The following CNBD1 variants were observed in gnomAD, a reference collection of about 807,000 sequenced individuals.
CNBD1 encodes cyclic nucleotide-binding domain-containing protein 1.
In CNBD1, 71 loss-of-function variants were observed where a neutral mutation model predicts 54.4. The ratio of observed to expected loss-of-function variants is 1.30; its 90% CI spans 1.08 to 1.59. The LOEUF (loss-of-function observed/expected upper bound fraction) is 1.59. CNBD1 is among the 40% of genes most tolerant of loss of function. The pLI is 0.00. For synonymous variants in CNBD1, 182 were observed against 170.7 expected (o/e 1.07, Z -0.51); for missense variants, 659 against 518.0 (o/e 1.27, Z -2.64).
rs561431840 is a variant in CNBD1 at position 87,048,839 on chromosome 8, G to T, written c.431+109085G>T. Among the ~76,000 whole-genome samples, 11 of 152,244 alleles carry T rather than the reference G, an allele frequency of 7.2e-5. No homozygotes were observed. In the South Asian group the frequency reaches 2.3e-3, roughly 32 times the overall value. On this transcript the variant is annotated intron_variant, in intron 4 of 10. Transcript: ENST00000518476. Reference sequence around the variant, plus strand: ...GCCTGTTGAGGGGATTATTTTTAAGGCAAGTTTCACAAGCATTAACAAGCT... The same window carrying T: ...GCCTGTTGAGGGGATTATTTTTAAGTCAAGTTTCACAAGCATTAACAAGCT...
intron 8 of CNBD1, among the ~76,000 whole-genome samples, chr8:87,314,323 G>A (rs1809335440): frequency 6.6e-6 from 1 of 151,560 alleles, no homozygotes; most frequent in Non-Finnish European, 1.5e-5. Context: ...TAAAAAAAAA[G>A]ATATTACCAT....
intron 4 of CNBD1, among the ~76,000 whole-genome samples, chr8:86,963,462 G>T (rs929299439): frequency 1.2e-4 from 19 of 152,102 alleles, no homozygotes; most frequent in Admixed American, 1.1e-3. Context: ...TGCCTCAGGG[G>T]GGTGTATGAA....
intron 4 of CNBD1, among the ~76,000 whole-genome samples, chr8:87,019,439 G>T (rs1809436809): frequency 6.6e-6 from 1 of 152,118 alleles, no homozygotes; most frequent in Admixed American, 6.5e-5. Flanking sequence ...AGTATATGGT[G>T]CAATACAAAA....
chr8:87,134,861 A>G (rs994355465), intron 4 of CNBD1, among the ~76,000 whole-genome samples: 3 of 151,832 alleles, frequency 2.0e-5, no homozygotes, highest in African/African-American at 4.8e-5. Flanking sequence ...TGCCCGCCTC[A>G]GCCTCCCAAA....
intron 2 of CNBD1, among the ~76,000 whole-genome samples, chr8:86,899,118 T>TA (rs111668104): frequency 0.37 from 56,089 of 151,524 alleles, 10,580 homozygotes; most frequent in African/African-American, 0.44. Context: ...ATGTGAAATT[T>TA]AAAAAAACGC....
chr8:87,278,778 T>C (rs767847189), intron 6 of CNBD1, among the ~76,000 whole-genome samples: 9 of 151,576 alleles, frequency 5.9e-5, no homozygotes, highest in African/African-American at 2.2e-4. Context: ...ATTAGCTGAC[T>C]GTATAAATCA....
chr8:87,214,676 T>C (rs1016679797), intron 5 of CNBD1, among the ~76,000 whole-genome samples: 7 of 152,226 alleles, frequency 4.6e-5, no homozygotes, highest in Non-Finnish European at 4.4e-5. Context: ...AATAAACTTA[T>C]GGTTCCATGT....
chr8:87,189,969 A>G (rs2130784676), intron 4 of CNBD1, among the ~76,000 whole-genome samples: 1 of 152,340 alleles, frequency 6.6e-6, no homozygotes, highest in Non-Finnish European at 1.5e-5. Context: ...AAAAAGGGAT[A>G]CATAGAAAAA....
chr8:87,315,081 A>C (rs1425345219), intron 8 of CNBD1, among the ~76,000 whole-genome samples: 1 of 152,080 alleles, frequency 6.6e-6, no homozygotes, highest in Non-Finnish European at 1.5e-5. Context: ...GAGAGATTGG[A>C]ACATAAATAT....
chr8:86,948,456 T>C (rs1807522548), intron 4 of CNBD1, among the ~76,000 whole-genome samples: 1 of 152,164 alleles, frequency 6.6e-6, no homozygotes, highest in African/African-American at 2.4e-5. Flanking sequence ...CCATTTAAAC[T>C]AGAGTGAGAT....
chr8:87,319,793 A>C (rs971292170), intron 8 of CNBD1, among the ~76,000 whole-genome samples: 1 of 152,104 alleles, frequency 6.6e-6, no homozygotes. Flanking sequence ...CCATTCAAAA[A>C]AGCGTTTCTA....
intron 3 of CNBD1, among the ~76,000 whole-genome samples, chr8:86,914,255 G>T (rs1022005989): frequency 1.3e-5 from 2 of 152,280 alleles, no homozygotes; most frequent in East Asian, 3.9e-4. Context: ...CAAGAGTATT[G>T]ATTGGGGAAG....
chr8:87,385,012 A>G (rs921103838), downstream of CNBD1, among the ~76,000 whole-genome samples: 3 of 152,164 alleles, frequency 2.0e-5, no homozygotes, highest in African/African-American at 7.2e-5. Context: ...AGATGATGAG[A>G]TGATCTGACT....
chr8:86,951,773 A>G (rs1279246287), intron 4 of CNBD1, among the ~76,000 whole-genome samples: 2 of 151,694 alleles, frequency 1.3e-5, no homozygotes, highest in South Asian at 2.1e-4. Flanking sequence ...TTTATTAGCT[A>G]TTTGTATTTA....
intron 2 of CNBD1, among the ~76,000 whole-genome samples, chr8:87,415,896 A>T (rs1436100879): frequency 6.6e-6 from 1 of 152,012 alleles, no homozygotes; most frequent in Admixed American, 6.6e-5. Context: ...GAATCAAAAC[A>T]AATTTCAACT....
chr8:86,910,856 G>T (rs1275667772), intron 3 of CNBD1, among the ~76,000 whole-genome samples: 1 of 152,142 alleles, frequency 6.6e-6, no homozygotes, highest in African/African-American at 2.4e-5. Flanking sequence ...GTCCCAAGTG[G>T]GTCTTCTGGT....
chr8:87,373,510 T>C (rs1201324920), intron 10 of CNBD1, among the ~76,000 whole-genome samples: 5 of 151,882 alleles, frequency 3.3e-5, no homozygotes, highest in African/African-American at 1.2e-4. Context: ...TTTTATACTC[T>C]TGTAATTATG....
At chr8:87,030,913 TC>T (rs376683860) in intron 4 of CNBD1, among the ~76,000 whole-genome samples, 20,160 of 59,068 alleles carry the variant, frequency 0.34, 3,747 homozygotes, top group Admixed American at 0.46. Flanking sequence ...CACCTCCTCC[TC>T]CCCCCCTCCT....
chr8:87,113,935 A>G (rs931582160), intron 4 of CNBD1, among the ~76,000 whole-genome samples: 7 of 152,086 alleles, frequency 4.6e-5, no homozygotes, highest in African/African-American at 1.7e-4. Context: ...AAAGAAAAGA[A>G]AGAAATAGAA....
Sources: allele counts gnomAD v4.1 joint callset (sites outside exome capture counted in the v4.1 genomes callset), GRCh38; gene constraint gnomAD v4.1.1; transcripts MANE v1.5; gene names NCBI Gene and HGNC (gene_info 2026-07-23, HGNC 2026-07-21).